Variants in CFAP20DC observed in about 807,000 individuals in gnomAD.
CFAP20DC encodes CFAP20 domain containing.
Under a neutral mutation model 101.7 loss-of-function variants are expected in CFAP20DC, and 84 were observed. The ratio of observed to expected loss-of-function variants is 0.83; its 90% CI spans 0.69 to 0.99. CFAP20DC has a LOEUF of 0.99. Ranked by LOEUF, CFAP20DC falls within the 50% of genes least tolerant of loss-of-function variation. CFAP20DC has a pLI of 0.00. For missense variants in CFAP20DC, 1,007 were observed against 970.3 expected (o/e 1.04, Z -0.50); for synonymous variants, 359 against 351.2 (o/e 1.02, Z -0.25).
intron 3 of CFAP20DC, among the ~76,000 whole-genome samples, chr3:58,735,036 GAA>G (rs2067720409): frequency 6.6e-6 from 1 of 152,086 alleles, no homozygotes; most frequent in Non-Finnish European, 1.5e-5. Flanking sequence ...ACTATAAATG[GAA>G]AGACTCCAAA....
intron 14 of CFAP20DC, among the ~76,000 whole-genome samples, chr3:58,819,050 A>C (rs1360175351): frequency 6.6e-6 from 1 of 150,780 alleles, no homozygotes; most frequent in African/African-American, 2.5e-5. Context: ...TACTGGGTAC[A>C]TAACGAAATG....
At chr3:58,723,707 A>T (rs775499505) in intron 3 of CFAP20DC, among the ~76,000 whole-genome samples, 14 of 152,194 alleles carry the variant, frequency 9.2e-5, no homozygotes, top group Non-Finnish European at 2.1e-4. Flanking sequence ...TCTTTCTGGT[A>T]CCAAGTTTTT....
At chr3:58,822,667 T>A (rs2075764821) in intron 14 of CFAP20DC, among the ~76,000 whole-genome samples, 1 of 151,236 alleles carries the variant, frequency 6.6e-6, no homozygotes, top group South Asian at 2.1e-4. Context: ...AACAAAAAAG[T>A]AACCAATGGA....
chr3:58,954,045 T>C (rs1258068602), intron 4 of CFAP20DC, among the ~76,000 whole-genome samples: 1 of 152,218 alleles, frequency 6.6e-6, no homozygotes, highest in East Asian at 1.9e-4. Context: ...ATTCTAGTGA[T>C]CAGCAGGTTT....
intron 5 of CFAP20DC, among the ~76,000 whole-genome samples, chr3:58,931,746 A>G (rs958813139): frequency 1.7e-4 from 26 of 152,360 alleles, no homozygotes; most frequent in African/African-American, 5.5e-4. Flanking sequence ...ACAAACAGAA[A>G]GGACATCGAC....
At chr3:58,822,980 T>C (rs1489426430) in intron 14 of CFAP20DC, among the ~76,000 whole-genome samples, 1 of 152,172 alleles carries the variant, frequency 6.6e-6, no homozygotes, top group Non-Finnish European at 1.5e-5. Context: ...GAGAAGAATC[T>C]GAACAAAAGC....
chr3:58,773,388 CAA>C (rs752693103), intron 15 of CFAP20DC, among the ~76,000 whole-genome samples: 30 of 99,018 alleles, frequency 3.0e-4, no homozygotes, highest in Non-Finnish European at 3.4e-4. Flanking sequence ...TCATCTCTAG[CAA>C]AAAAAAAAAA....
chr3:58,852,130 G>T (rs1320094471), intron 12 of CFAP20DC, among the ~76,000 whole-genome samples: 1 of 152,082 alleles, frequency 6.6e-6, no homozygotes, highest in African/African-American at 2.4e-5. Context: ...AGTAGCCATT[G>T]CTCTGATTGT....
chr3:58,935,367 C>G (rs980309352), intron 5 of CFAP20DC, among the ~76,000 whole-genome samples: 1 of 151,934 alleles, frequency 6.6e-6, no homozygotes, highest in Non-Finnish European at 1.5e-5. Context: ...TTTATAGATT[C>G]AATGCCATCC....
chr3:58,742,607 T>C, intron 16 of CFAP20DC, 35 bp from the exon 17 acceptor site: 1 of 1,534,052 alleles, frequency 6.5e-7, no homozygotes, highest in Non-Finnish European at 8.9e-7. Flanking sequence ...ACATTAGCTG[T>C]TGGCTTGGCC....
chr3:58,994,557 C>T (rs186105159), intron 4 of CFAP20DC, among the ~76,000 whole-genome samples: 3 of 152,174 alleles, frequency 2.0e-5, no homozygotes, highest in South Asian at 4.1e-4. Context: ...TTCTTCTCCT[C>T]GTCAAATAAC....
At chr3:58,870,732 C>G (rs1472395362) in intron 7 of CFAP20DC, among the ~76,000 whole-genome samples, 3 of 146,994 alleles carry the variant, frequency 2.0e-5, no homozygotes, top group Non-Finnish European at 4.5e-5. Flanking sequence ...ACTAAAAATA[C>G]AAAAAATTAG....
chr3:58,984,945 A>C (rs190790183), intron 4 of CFAP20DC, among the ~76,000 whole-genome samples: 1 of 152,176 alleles, frequency 6.6e-6, no homozygotes, highest in East Asian at 1.9e-4. Flanking sequence ...TCTCTCCATC[A>C]CCCAGGCTAG....
intron 3 of CFAP20DC, among the ~76,000 whole-genome samples, chr3:59,042,436 C>A (rs1220952515): frequency 6.6e-6 from 1 of 151,738 alleles, no homozygotes; most frequent in East Asian, 1.9e-4. Flanking sequence ...TGTCTATTCT[C>A]GGGGGTAAAT....
At chr3:58,839,238 G>A (rs955100404) in intron 13 of CFAP20DC, among the ~76,000 whole-genome samples, 2 of 152,176 alleles carry the variant, frequency 1.3e-5, no homozygotes, top group Non-Finnish European at 2.9e-5. Context: ...CCTCTAATTG[G>A]GGGTAGCAGC....
At chr3:59,037,343 C>A (rs138656492) in intron 4 of CFAP20DC, among the ~76,000 whole-genome samples, 5,034 of 151,802 alleles carry the variant, frequency 0.033, 197 homozygotes, top group Admixed American at 0.12. Flanking sequence ...AGTGAACAGG[C>A]AACCTACAGA....
chr3:58,998,983 C>G (rs2093224775), intron 4 of CFAP20DC, among the ~76,000 whole-genome samples: 2 of 152,212 alleles, frequency 1.3e-5, no homozygotes, highest in South Asian at 4.1e-4. Flanking sequence ...ACTCCAAACT[C>G]CTGCACATTA....
chr3:58,801,087 G>A (rs1397954808), intron 15 of CFAP20DC, among the ~76,000 whole-genome samples: 1 of 150,438 alleles, frequency 6.6e-6, no homozygotes, highest in Non-Finnish European at 1.5e-5. Context: ...GTGAGAGAGA[G>A]TAAGTTCCTG....
chr3:58,975,089 C>T (rs1331976967), intron 4 of CFAP20DC, among the ~76,000 whole-genome samples: 2 of 152,146 alleles, frequency 1.3e-5, no homozygotes, highest in Admixed American at 6.5e-5. Context: ...GTCTCACTCT[C>T]GCCAGCTTCA....
Sources: gnomAD v4.1 joint callset for allele counts (sites outside exome capture counted in the v4.1 genomes callset) on GRCh38, gnomAD v4.1.1 for gene constraint, MANE v1.5 for transcripts, NCBI Gene and HGNC (gene_info 2026-07-23, HGNC 2026-07-21) for gene names.